Variants in DMD observed in about 807,000 individuals in gnomAD.
The protein encoded by DMD is mutant dystrophin.
A neutral mutation model predicts 330.1 loss-of-function variants in DMD; 63 were observed. The ratio of observed to expected loss-of-function variants is 0.19; its 90% CI spans 0.16 to 0.24. DMD has a LOEUF of 0.24. Ranked by LOEUF, DMD falls within the 10% of genes least tolerant of loss-of-function variation. The pLI, the probability that DMD is intolerant of heterozygous loss-of-function variation, is 1.00. For synonymous variants in DMD, 1,223 were observed against 959.8 expected (o/e 1.27, Z -5.07); for missense variants, 3,344 against 2,684.1 (o/e 1.25, Z -5.43).
In DMD at chrX:31,206,554, G is replaced by T. The variant is rs745995694; in HGVS notation, c.9649+28C>A. The stretch of plus-strand genomic sequence containing the variant: ...GGGTAATTAGCCAACATTAATAAAA[G>T]AATACAGCATTAATATACACGACTT... On this transcript the variant is annotated intron_variant, in intron 66 of 78. Coordinates refer to ENST00000357033, the MANE Select transcript of DMD (RefSeq NM_004006.3). 9.4e-5 allele frequency: 107 copies of T among 1,139,273 alleles called. No homozygotes were observed. The South Asian group carries it at 1.7e-3, about 18-fold the overall frequency. The allele number at this position is 1,139,273 out of a possible 1,213,427, so 93.9% of individuals were successfully genotyped here.
intron 55 of DMD, among the ~76,000 whole-genome samples, chrX:31,545,317 G>A (rs926479910): frequency 1.8e-5 from 2 of 111,738 alleles, no homozygotes; most frequent in African/African-American, 6.5e-5. Context: ...TGGAAGAGGC[G>A]TGAGATGAAT....
intron 11 of DMD, among the ~76,000 whole-genome samples, chrX:32,633,332 A>G (rs1281696416): frequency 3.6e-5 from 4 of 111,658 alleles, no homozygotes; most frequent in African/African-American, 1.3e-4. Context: ...CTAAGGGATA[A>G]CAAACATGTC....
rs977310228 is a variant in DMD, at chrX:32,697,942, G to A, written c.888C>T (p.Phe296=). The A allele has an allele frequency of 2.5e-6, 3 of 1,204,593 alleles. No individual in the cohort carries two copies. The highest frequency in any genetic ancestry group is 3.4e-6 in the Non-Finnish European group (3 of 892,715). Residue 296 remains phenylalanine (F), a synonymous_variant, in exon 9 of 79, where the codon TTC becomes TTT. Coordinates refer to ENST00000357033, the MANE Select transcript of DMD (RefSeq NM_004006.3). ...CAGCCTGTGTGTAGGCATAGCTCTT[G>A]AATCGAGGCTTAGGGGAAGAAGTTC... The part of the protein sequence containing the change: ...YERTSSPKPR[F]KSYAYTQAAY...
At chrX:31,627,940 G>T in intron 54 of DMD, 78 bp from the exon 55 acceptor site, 2 of 981,027 alleles carry the variant, frequency 2.0e-6, no homozygotes, top group Non-Finnish European at 2.8e-6. Flanking sequence ...AAAAGAGAAA[G>T]ATGGAGGAAC....
chrX:32,223,557 T>C (rs1451667083), intron 43 of DMD, among the ~76,000 whole-genome samples: 1 of 111,818 alleles, frequency 8.9e-6, no homozygotes. Flanking sequence ...GTAGAGTGTA[T>C]ATATAGAAGT....
At chrX:31,363,002 A>C (rs1313833629) in intron 60 of DMD, among the ~76,000 whole-genome samples, 1 of 112,308 alleles carries the variant, frequency 8.9e-6, no homozygotes, top group African/African-American at 3.2e-5. Context: ...CTTCCAGAGT[A>C]AACAAATCTA....
chrX:31,517,257 C>T (rs767230854), intron 55 of DMD, among the ~76,000 whole-genome samples: 1 of 111,735 alleles, frequency 8.9e-6, no homozygotes, highest in Admixed American at 9.6e-5. Context: ...AAGTACCTAA[C>T]CCAATGCCTA....
chrX:31,310,690 C>A (rs776199329), intron 62 of DMD, among the ~76,000 whole-genome samples: 18 of 109,215 alleles, frequency 1.6e-4, no homozygotes, highest in African/African-American at 5.0e-4. Context: ...TGCCTGGGAC[C>A]ACAAGCACAT....
At chrX:32,207,524 C>A (rs934735751) in intron 44 of DMD, among the ~76,000 whole-genome samples, 7 of 111,914 alleles carry the variant, frequency 6.3e-5, no homozygotes, top group Non-Finnish European at 1.1e-4. Context: ...TTCTGAACAT[C>A]ATTACAATTC....
rs781026573 is a variant in DMD, at chrX:32,742,885, T to G, written c.650-43592A>C. On this transcript the variant is annotated intron_variant, in intron 7 of 78. Transcript: ENST00000357033. ...CAATCCTACGATGTAGATACTATTA[T>G]GATCCCCATTTTACAGATGAAGAAA... Among the ~76,000 whole-genome samples the G allele has an allele frequency of 2.4e-3, 265 of 112,099 alleles. 2 individuals carry two copies. The highest frequency in any genetic ancestry group is 8.3e-3 in the African/African-American group (255 of 30,865).
intron 52 of DMD, among the ~76,000 whole-genome samples, chrX:31,684,499 G>C (rs953107240): frequency 1.8e-5 from 2 of 111,765 alleles, no homozygotes; most frequent in African/African-American, 6.5e-5. Flanking sequence ...TGTGTACTTA[G>C]TTTTAACTCA....
intron 12 of DMD, among the ~76,000 whole-genome samples, chrX:32,611,730 G>T (rs1018095476): frequency 9.0e-5 from 10 of 111,410 alleles, no homozygotes; most frequent in African/African-American, 3.2e-4. Context: ...TCTTCTCCCT[G>T]GATTTCGCTT....
At chrX:32,307,037 G>C (rs1418866825) in intron 42 of DMD, among the ~76,000 whole-genome samples, 1 of 111,114 alleles carries the variant, frequency 9.0e-6, no homozygotes, top group Admixed American at 9.6e-5. Flanking sequence ...CCACTCCAAA[G>C]GCATGAACTA....
At chrX:31,273,656 G>A (rs1261452954) in intron 62 of DMD, among the ~76,000 whole-genome samples, 4 of 111,527 alleles carry the variant, frequency 3.6e-5, no homozygotes, top group Admixed American at 2.9e-4. Context: ...TGCTACAGAT[G>A]AAGACACCAG....
At chrX:31,310,417 T>C (rs2055408322) in intron 62 of DMD, among the ~76,000 whole-genome samples, 1 of 110,611 alleles carries the variant, frequency 9.0e-6, no homozygotes, top group Admixed American at 9.7e-5. Context: ...GAAAAGTTCT[T>C]GTAGTATTGA....
intron 51 of DMD, among the ~76,000 whole-genome samples, chrX:31,759,826 C>T (rs2089433534): frequency 9.0e-6 from 1 of 111,457 alleles, no homozygotes; most frequent in Non-Finnish European, 1.9e-5. Context: ...AAATGTTATC[C>T]TGGTAACAAC....
Position 31,121,917 on chromosome X carries a change from T to G in DMD, c.*2A>C, listed in dbSNP as rs770516154. The G allele has an allele frequency of 7.5e-6, 9 of 1,199,564 alleles. No homozygotes were observed. The highest frequency in any genetic ancestry group is 1.0e-5 in the Non-Finnish European group (9 of 885,990). On this transcript the variant is annotated 3_prime_UTR_variant, in exon 79 of 79. Coordinates refer to ENST00000357033, the MANE Select transcript of DMD (RefSeq NM_004006.3). ...AATCATCTGCCATGTGGAAAAGACT[T>G]CCTACATTGTGTCCTGGAAAACAAA...
At chrX:31,692,312 A>G (rs1191960184) in intron 52 of DMD, among the ~76,000 whole-genome samples, 1 of 111,347 alleles carries the variant, frequency 9.0e-6, no homozygotes, top group African/African-American at 3.3e-5. Flanking sequence ...ACATCAAAAA[A>G]GAAGAAATAT....
intron 48 of DMD, among the ~76,000 whole-genome samples, chrX:31,867,100 A>G (rs1036132635): frequency 1.7e-4 from 19 of 108,647 alleles, no homozygotes; most frequent in Non-Finnish European, 3.4e-4. Flanking sequence ...TGATATATAT[A>G]TATATATATA....
Sources: gnomAD v4.1 joint callset for allele counts (sites outside exome capture counted in the v4.1 genomes callset) on GRCh38, gnomAD v4.1.1 for gene constraint, MANE v1.5 for transcripts, NCBI Gene and HGNC (gene_info 2026-07-23, HGNC 2026-07-21) for gene names.